Variants in ZNF606 observed in about 807,000 individuals in gnomAD.
ZNF606 encodes the protein zinc finger protein 328.
In ZNF606, 37 loss-of-function variants were observed where a neutral mutation model predicts 74.9. The ratio of observed to expected loss-of-function variants is 0.49; its 90% CI spans 0.38 to 0.65. ZNF606 has a LOEUF of 0.65. ZNF606 is among the 30% of genes least tolerant of loss of function. The pLI, the probability that ZNF606 is intolerant of heterozygous loss-of-function variation, is 0.00. For missense variants in ZNF606, 852 were observed against 952.9 expected, an observed-to-expected ratio of 0.89 and a Z score of 1.39; for synonymous variants, 328 against 312.4, an observed-to-expected ratio of 1.05 and a Z score of -0.53.
intron 1 of ZNF606, among the ~76,000 whole-genome samples, 152 bp from the exon 2 acceptor site, chr19:58,001,522 T>C (rs1226946635): frequency 6.6e-6 from 1 of 152,176 alleles, no homozygotes; most frequent in African/African-American, 2.4e-5. Context: ...AGTAACACAA[T>C]TCCTGGAGAG....
intron 4 of ZNF606, among the ~76,000 whole-genome samples, chr19:57,989,408 T>C (rs2073216176): frequency 6.6e-6 from 1 of 152,090 alleles, no homozygotes; most frequent in South Asian, 2.1e-4. Context: ...TAAGTCTGAT[T>C]TTTCCAATGA....
At chr19:57,982,895 C>T (rs1184820144) in intron 6 of ZNF606, among the ~76,000 whole-genome samples, 1 of 152,136 alleles carries the variant, frequency 6.6e-6, no homozygotes, top group East Asian at 1.9e-4. Context: ...AATCCTCCCA[C>T]CTTGGCCTCC....
At chr19:57,991,954 C>T (rs1014334453) in intron 4 of ZNF606, among the ~76,000 whole-genome samples, 1 of 152,116 alleles carries the variant, frequency 6.6e-6, no homozygotes, top group African/African-American at 2.4e-5. Context: ...CCTAACCTCC[C>T]TGGGGTGGCA....
chr19:57,994,657 A>G (rs1250834356), intron 4 of ZNF606, among the ~76,000 whole-genome samples: 3 of 152,230 alleles, frequency 2.0e-5, no homozygotes, highest in East Asian at 3.8e-4. Context: ...AAGGAAATAC[A>G]GATGGCCAAT....
chr19:57,995,913 T>C (rs2073334489), intron 4 of ZNF606, among the ~76,000 whole-genome samples: 2 of 152,104 alleles, frequency 1.3e-5, no homozygotes, highest in Admixed American at 1.3e-4. Context: ...CCATGAGTGG[T>C]TGCCTGAGAA....
chr19:57,987,790 T>C (rs2073186933), intron 6 of ZNF606, among the ~76,000 whole-genome samples: 2 of 152,174 alleles, frequency 1.3e-5, no homozygotes, highest in Non-Finnish European at 2.9e-5. Flanking sequence ...ATCGCACCAC[T>C]GCACTCCAGC....
In ZNF606 at chr19:57,978,110, C is replaced by T; in HGVS notation, c.*191G>A. 1.9e-6 allele frequency: 1 copy of T among 530,884 alleles called. No individual in the cohort carries two copies. The allele number at this position is 530,884 out of a possible 1,614,324, so 32.9% of individuals were successfully genotyped here. On this transcript the variant is annotated 3_prime_UTR_variant, in exon 7 of 7. Coordinates refer to ENST00000551380, the MANE Select transcript of ZNF606 (RefSeq NM_001348022.3). The surrounding 1 kb of genome is among the most constrained non-coding windows in gnomAD (Gnocchi z 4.4). The stretch of plus-strand genomic sequence containing the variant: ...TTAATTATCTGATTTTGAGTAAGGG[C>T]TAAATAACTGCTGAAAGCTTTTCCC...
intron 4 of ZNF606, among the ~76,000 whole-genome samples, chr19:57,989,429 C>A (rs1446726654): frequency 6.6e-6 from 1 of 151,852 alleles, no homozygotes; most frequent in Non-Finnish European, 1.5e-5. Flanking sequence ...ATACATCCCT[C>A]AAGTCCTTTT....
chr19:58,000,860 T>C (rs11670666), intron 2 of ZNF606, 121 bp from the exon 3 acceptor site: 190,167 of 888,994 alleles, frequency 0.21, 22,311 homozygotes, highest in Middle Eastern at 0.23. Context: ...AGCCCAAGGG[T>C]GTGTAAAAAA....
At chr19:57,993,392 A>C (rs2073289498) in intron 4 of ZNF606, among the ~76,000 whole-genome samples, 1 of 152,156 alleles carries the variant, frequency 6.6e-6, no homozygotes, top group South Asian at 2.1e-4. Flanking sequence ...GTGAAAAAAA[A>C]TGGGGGCGTC....
At position 57,979,784 on chromosome 19, in the gene ZNF606, T is replaced by C. The variant is rs760467980; in HGVS notation, c.896A>G (p.Asn299Ser). The C allele has an allele frequency of 2.5e-6, 4 of 1,613,314 alleles. No individual in the cohort carries two copies. In the African/African-American group the frequency reaches 4.0e-5, roughly 16 times the overall value. The change falls in exon 7 of 7, where the codon AAT (asparagine) becomes AGT (serine). Residue 299 changes from asparagine to serine, a missense_variant. Around this residue, in one of 3 missense-constraint regions of ZNF606, gnomAD observed 545 missense variants for 542.5 expected, o/e 1.00. Transcript: ENST00000551380. ...FKCTDAVKSF[N>S]HIIHFGDHKG... ...ATGATCACCAAAATGTATTATATGA[T>C]TGAAAGATTTAACAGCATCAGTACA...
rs1406048386 is a variant in ZNF606 at position 57,980,237 on chromosome 19, T to A, written c.443A>T (p.Gln148Leu). The change falls in exon 7 of 7, where the codon CAG becomes CTG. Residue 148 changes from glutamine to leucine, a missense_variant. Around this residue, in one of 3 missense-constraint regions of ZNF606, gnomAD observed 545 missense variants for 542.5 expected, o/e 1.00. Coordinates refer to ENST00000551380, the MANE Select transcript of ZNF606 (RefSeq NM_001348022.3). ...NLESKALIPAQSIFEEEQSHG... is the reference protein window; with the variant it reads ...NLESKALIPALSIFEEEQSHG... ...GGATTGTTCTTCCTCAAAAATGCTC[T>A]GTGCTGGGATCAATGCTTTGCTTTC... The A allele has an allele frequency of 6.2e-7, 1 of 1,613,580 alleles. No individual in the cohort carries two copies. The highest frequency in any genetic ancestry group is 1.3e-5 in the African/African-American group (1 of 75,060).
chr19:57,981,097 C>T (rs1018075283), intron 6 of ZNF606, among the ~76,000 whole-genome samples: 1 of 152,160 alleles, frequency 6.6e-6, no homozygotes, highest in African/African-American at 2.4e-5. Flanking sequence ...GGAGTTTCAG[C>T]GATGGCAGTG....
chr19:57,999,345 C>T (rs2073382240), intron 4 of ZNF606: 1 of 168,440 alleles, frequency 5.9e-6, no homozygotes, highest in Non-Finnish European at 1.3e-5. Context: ...CTGTCCCACA[C>T]TGCACGTGTG....
chr19:58,001,265 A>T, intron 2 of ZNF606, 24 bp downstream of exon 2: 1 of 1,611,486 alleles, frequency 6.2e-7, no homozygotes, highest in African/African-American at 1.3e-5. Context: ...GGGGAGGCCC[A>T]GGAGAAACAC....
At position 57,977,672 on chromosome 19, in the gene ZNF606, T is replaced by C. The variant is rs1476327963; in HGVS notation, c.*629A>G. Reference sequence around the variant, plus strand: ...CTGTCCAGCAACATCAGTCTCACACTCCTAGGCAATAACTTTTCTACCGTT... The same window carrying C: ...CTGTCCAGCAACATCAGTCTCACACCCCTAGGCAATAACTTTTCTACCGTT... On this transcript the variant is annotated 3_prime_UTR_variant, in exon 7 of 7. Coordinates refer to ENST00000551380, the MANE Select transcript of ZNF606 (RefSeq NM_001348022.3). 6.6e-6 allele frequency: 1 copy of C among 152,318 alleles called. No homozygotes were observed. Among genetic ancestry groups the C allele is most frequent in the Non-Finnish European group, 1.5e-5 (1 of 68,062 alleles). The allele number at this position is 152,318 out of a possible 1,614,324, so 9.4% of individuals were successfully genotyped here.
In ZNF606 at chr19:57,988,580, C is replaced by G. The variant is rs752713756; in HGVS notation, c.304+15G>C. On this transcript the variant is annotated intron_variant, in intron 5 of 6. Transcript: ENST00000551380. ...ATGGGAACAGCTTCGTTTACTTGGG[C>G]AGCACCTGCCTTACCCACAGAGAGC... 1 of 1,608,714 alleles carries G rather than the reference C, an allele frequency of 6.2e-7. No homozygotes were observed. Among genetic ancestry groups the G allele is most frequent in the Admixed American group, 1.7e-5 (1 of 59,382 alleles).
At chr19:57,984,838 T>C (rs1377440652) in intron 6 of ZNF606, among the ~76,000 whole-genome samples, 1 of 152,200 alleles carries the variant, frequency 6.6e-6, no homozygotes, top group African/African-American at 2.4e-5. Flanking sequence ...CTCATGCCTG[T>C]AATCCCAGCA....
chr19:58,001,137 T>G (rs899143574), intron 2 of ZNF606, 152 bp downstream of exon 2: 14 of 845,292 alleles, frequency 1.7e-5, no homozygotes, highest in Middle Eastern at 3.6e-4. Context: ...GCCAACAATT[T>G]TCCTCCTTTA....
Sources: allele counts gnomAD v4.1 joint callset (sites outside exome capture counted in the v4.1 genomes callset), GRCh38; gene constraint gnomAD v4.1.1; regional missense constraint gnomAD v4.1.1; non-coding constraint Gnocchi (gnomAD v3.1); transcripts MANE v1.5; gene names NCBI Gene and HGNC (gene_info 2026-07-23, HGNC 2026-07-21).